Variants in PPARGC1B observed in about 807,000 individuals in gnomAD.
PPARGC1B encodes PPARG coactivator 1 beta.
A neutral mutation model predicts 101.6 loss-of-function variants in PPARGC1B; 34 were observed. The ratio of observed to expected loss-of-function variants is 0.33; its 90% CI spans 0.25 to 0.45. PPARGC1B has a LOEUF of 0.45. Among genes scored for constraint, PPARGC1B ranks in the 20% least tolerant of loss-of-function variants. The probability of loss-of-function intolerance (pLI) is 1.00; values close to 1 mark genes in which losing one functional copy is unlikely to be tolerated. For synonymous variants in PPARGC1B, 548 were observed against 539.3 expected (o/e 1.02, Z -0.22); for missense variants, 1,234 against 1,317.6 (o/e 0.94, Z 0.98).
rs77687445 is a variant in PPARGC1B, at chr5:149,833,124, G to A, written c.1051G>A (p.Val351Met). 2,682 of 1,613,792 alleles carry A rather than the reference G, an allele frequency of 1.7e-3. 39 individuals are homozygous for A. In the African/African-American group the frequency reaches 0.032, roughly 19 times the overall value. Residue 351 changes from valine to methionine, a missense_variant, in exon 5 of 12, where the codon GTG becomes ATG. Val to Met is a conservative substitution (Grantham distance 21). This residue lies in a region of PPARGC1B where 734 missense variants were observed against 768.4 expected (regional missense o/e 0.96). Coordinates refer to ENST00000309241, the MANE Select transcript of PPARGC1B (RefSeq NM_133263.4). This position sits in a 1 kb window ranked among gnomAD's most constrained non-coding sequence, Gnocchi z 4.1. ...TCTGAGGGAACTTCTGGCTCAAGACGTGCTCTGTGATGTCAGCAAACCCTA... is the reference window on the plus strand; with the variant it reads ...TCTGAGGGAACTTCTGGCTCAAGACATGCTCTGTGATGTCAGCAAACCCTA... ...SILRELLAQD[V>M]LCDVSKPYRL...
rs1376441851 is a variant in PPARGC1B at position 149,836,599 on chromosome 5, C to T, written c.2144C>T (p.Ser715Phe). 1 of 1,613,878 alleles carries T rather than the reference C, an allele frequency of 6.2e-7. No individual in the cohort carries two copies. The highest frequency in any genetic ancestry group is 8.5e-7 in the Non-Finnish European group (1 of 1,180,046). The change falls in exon 8 of 12, where the codon TCT (serine) becomes TTT (phenylalanine). Residue 715 changes from serine (S) to phenylalanine (F), a missense_variant. Ser to Phe is a radical substitution (Grantham distance 155). Around this residue, in one of 3 missense-constraint regions of PPARGC1B, gnomAD observed 497 missense variants for 529.5 expected, o/e 0.94. Transcript: ENST00000309241. Reference sequence around the variant, plus strand: ...AAGGTGCTGAGGTCCTGGGAGCCGTCTGGGGTTCACCTTGAGGACTGGCCC... The same window carrying T: ...AAGGTGCTGAGGTCCTGGGAGCCGTTTGGGGTTCACCTTGAGGACTGGCCC... ...QRKVLRSWEP[S>F]GVHLEDWPQQ... is the part of the protein sequence containing the mutation.
intron 1 of PPARGC1B, among the ~76,000 whole-genome samples, chr5:149,792,730 C>T (rs929981010): frequency 8.6e-5 from 13 of 152,010 alleles, no homozygotes; most frequent in South Asian, 2.1e-4. Context: ...AGCCTTGTTC[C>T]GTAGTTGTAT....
chr5:149,779,812 A>G (rs1375214186), intron 1 of PPARGC1B, among the ~76,000 whole-genome samples: 2 of 152,174 alleles, frequency 1.3e-5, no homozygotes, highest in Non-Finnish European at 2.9e-5. Flanking sequence ...CCTTCCCACG[A>G]CACTGTGTGC....
chr5:149,830,055 G>GAAAAAAAAAA (rs71587791), intron 3 of PPARGC1B, among the ~76,000 whole-genome samples: 2 of 89,814 alleles, frequency 2.2e-5, no homozygotes, highest in Admixed American at 1.5e-4. Flanking sequence ...AAAAAAAAAA[G>GAAAAAAAAAA]AAAAAAAAAA....
At chr5:149,738,172 T>C (rs1754793004) in intron 1 of PPARGC1B, among the ~76,000 whole-genome samples, 1 of 152,192 alleles carries the variant, frequency 6.6e-6, no homozygotes, top group African/African-American at 2.4e-5. Context: ...GCAAGAATTT[T>C]CGTTTATTTC....
chr5:149,750,803 A>G (rs1346109845), intron 1 of PPARGC1B, among the ~76,000 whole-genome samples: 2 of 152,234 alleles, frequency 1.3e-5, no homozygotes, highest in Non-Finnish European at 2.9e-5. Flanking sequence ...CGGGTGCATT[A>G]GGTGACCATG....
Position 149,834,807 on chromosome 5 carries a change from CT to C in PPARGC1B, c.1742+98del, listed in dbSNP as rs1758976666. 10 of 1,119,150 alleles carry C rather than the reference CT, an allele frequency of 8.9e-6. No individual in the cohort carries two copies. The East Asian group carries it at 2.4e-4, about 27-fold the overall frequency. 69.3% of individuals were successfully genotyped at this position (1,119,150 alleles called of 1,614,324 possible). On this transcript the variant is annotated intron_variant, in intron 6 of 11. Transcript: ENST00000309241. ...ATGGGGGATTCATCAGCGCCCACCC[CT>C]GGCCCCGGCCCCACACCCTGTGCCC...
chr5:149,810,633 C>T (rs1757817628), intron 1 of PPARGC1B, among the ~76,000 whole-genome samples: 1 of 152,230 alleles, frequency 6.6e-6, no homozygotes, highest in South Asian at 2.1e-4. Context: ...TTCTCTCTTT[C>T]CCTTATCATT....
At position 149,847,645 on chromosome 5, in the gene PPARGC1B, G is replaced by C; in HGVS notation, c.*87G>C. ...ACGTTTTCAAAGAAATCAAGTATAT[G>C]AGGAGAGCGAGCGAGCGTGAGAGAA... On this transcript the variant is annotated 3_prime_UTR_variant, in exon 12 of 12. Coordinates refer to ENST00000309241, the MANE Select transcript of PPARGC1B (RefSeq NM_133263.4). 2.0e-6 allele frequency: 2 copies of C among 1,016,656 alleles called. No homozygotes were observed. Among genetic ancestry groups the C allele is most frequent in the African/African-American group, 3.2e-5 (2 of 62,892 alleles). 63.0% of individuals were successfully genotyped at this position (1,016,656 alleles called of 1,614,324 possible).
At chr5:149,783,813 A>G (rs2113231074) in intron 1 of PPARGC1B, among the ~76,000 whole-genome samples, 1 of 152,276 alleles carries the variant, frequency 6.6e-6, no homozygotes, top group African/African-American at 2.4e-5. Context: ...GAGGAGAGGT[A>G]GTTGTGTGTG....
rs1043873204 is a variant in PPARGC1B at position 149,850,192 on chromosome 5, A to T, written c.*2634A>T. The T allele has an allele frequency of 2.6e-5, 4 of 152,038 alleles. No individual in the cohort carries two copies. The highest frequency in any genetic ancestry group is 9.7e-5 in the African/African-American group (4 of 41,366). The allele number at this position is 152,038 out of a possible 1,614,324, so 9.4% of individuals were successfully genotyped here. A position where few individuals can be genotyped will look rare whatever the true frequency, so the allele number is the denominator to read the frequency against. On this transcript the variant is annotated 3_prime_UTR_variant, in exon 12 of 12. Transcript: ENST00000309241. Reference sequence around the variant, plus strand: ...CATATATGATCTCTTAGCCCCTCCTATTTGCTTCTTCCTTGATTGCTCTTG... The same window carrying T: ...CATATATGATCTCTTAGCCCCTCCTTTTTGCTTCTTCCTTGATTGCTCTTG...
intron 1 of PPARGC1B, among the ~76,000 whole-genome samples, chr5:149,788,652 A>G (rs1445639180): frequency 6.6e-6 from 1 of 152,222 alleles, no homozygotes; most frequent in Non-Finnish European, 1.5e-5. Flanking sequence ...CACTATTCAC[A>G]ATAGCATAGA....
chr5:149,769,449 C>T lies in PPARGC1B; in HGVS notation c.78+39029C>T, dbSNP rs112817427. Among the ~76,000 whole-genome samples, 50 of 152,312 alleles carry T rather than the reference C, an allele frequency of 3.3e-4. 2 individuals are homozygous for T. The highest frequency in any genetic ancestry group is 1.1e-3 in the African/African-American group (47 of 41,568). ...TGCCGGAGCCAGGCGTCAGGAGGCA[C>T]GTTCCCACTGATTCGGGGAGCTCAT... is the stretch of plus-strand genomic sequence containing the variant. On this transcript the variant is annotated intron_variant, in intron 1 of 11. Coordinates refer to ENST00000309241, the MANE Select transcript of PPARGC1B (RefSeq NM_133263.4).
At chr5:149,840,235 G>A in intron 9 of PPARGC1B, 119 bp downstream of exon 9, 1 of 863,042 alleles carries the variant, frequency 1.2e-6, no homozygotes. Context: ...TTCGGCCTCT[G>A]CCTGGGGAAG....
chr5:149,741,342 G>C (rs1201086891), intron 1 of PPARGC1B, among the ~76,000 whole-genome samples: 2 of 152,184 alleles, frequency 1.3e-5, no homozygotes, highest in Non-Finnish European at 2.9e-5. Flanking sequence ...CTGGTCTCAG[G>C]CTCTTTGCAA....
chr5:149,847,174 A>C (rs770868282), intron 11 of PPARGC1B: 7 of 538,758 alleles, frequency 1.3e-5, no homozygotes, highest in Non-Finnish European at 2.4e-5. Context: ...GGGGAAGTAG[A>C]GTTGTAGGGT....
chr5:149,747,351 G>A (rs1042333897), intron 1 of PPARGC1B, among the ~76,000 whole-genome samples: 1 of 152,204 alleles, frequency 6.6e-6, no homozygotes, highest in African/African-American at 2.4e-5. Flanking sequence ...AGTTGGCTAA[G>A]TCCTTAAGCT....
At chr5:149,844,810 C>T (rs1366093176) in intron 10 of PPARGC1B, among the ~76,000 whole-genome samples, 1 of 152,182 alleles carries the variant, frequency 6.6e-6, no homozygotes, top group Admixed American at 6.5e-5. Context: ...GTTTACATAG[C>T]AGATGATATG....
Position 149,730,539 on chromosome 5 carries a change from G to C in PPARGC1B, c.78+119G>C. ...GCCCTGGGGTAACTGGGGGTTCCAG[G>C]CTGCAGAGCCCCCCTTCCAGGCGCC... is the stretch of plus-strand genomic sequence containing the variant. On this transcript the variant is annotated intron_variant, in intron 1 of 11. Transcript: ENST00000309241. This position sits in a 1 kb window ranked among gnomAD's most constrained non-coding sequence, Gnocchi z 4.0. 1 of 729,048 alleles carries C rather than the reference G, an allele frequency of 1.4e-6. No homozygotes were observed. Among genetic ancestry groups the C allele is most frequent in the Middle Eastern group, 4.1e-4 (1 of 2,444 alleles). The allele number at this position is 729,048 out of a possible 1,614,324, so 45.2% of individuals were successfully genotyped here. A position where few individuals can be genotyped will look rare whatever the true frequency, so the allele number is the denominator to read the frequency against.
Sources: gnomAD v4.1 joint callset for allele counts (sites outside exome capture counted in the v4.1 genomes callset) on GRCh38, gnomAD v4.1.1 for gene constraint, gnomAD v4.1.1 regional missense constraint, Gnocchi (gnomAD v3.1) non-coding constraint, MANE v1.5 for transcripts, NCBI Gene and HGNC (gene_info 2026-07-23, HGNC 2026-07-21) for gene names.